Variants in KIF26B observed in about 807,000 individuals in gnomAD.
KIF26B encodes the protein kinesin family member 26B.
In KIF26B, 63 loss-of-function variants were observed where a neutral mutation model predicts 151.2. The ratio of observed to expected loss-of-function variants is 0.42; its 90% CI spans 0.34 to 0.51. KIF26B has a LOEUF of 0.51. Among genes scored for constraint, KIF26B ranks in the 20% least tolerant of loss-of-function variants. KIF26B has a pLI of 0.07. For synonymous variants in KIF26B, 1,357 were observed against 1,262.1 expected, an observed-to-expected ratio of 1.08 and a Z score of -1.59; for missense variants, 2,813 against 2,913.6, an observed-to-expected ratio of 0.97 and a Z score of 0.79.
At chr1:245,184,745 C>T (rs1336314259) in intron 2 of KIF26B, among the ~76,000 whole-genome samples, 2 of 152,226 alleles carry the variant, frequency 1.3e-5, no homozygotes, top group East Asian at 3.8e-4. Context: ...GATTCTTTTA[C>T]TATAAACGGA....
At chr1:245,453,030 T>C (rs895509508) in intron 4 of KIF26B, among the ~76,000 whole-genome samples, 1 of 152,168 alleles carries the variant, frequency 6.6e-6, no homozygotes, top group Admixed American at 6.5e-5. Flanking sequence ...GATTTACCTG[T>C]ATGTTTTCTC....
At chr1:245,661,909 T>TAC (rs61090060) in intron 10 of KIF26B, among the ~76,000 whole-genome samples, 1 of 37,386 alleles carries the variant, frequency 2.7e-5, no homozygotes, top group African/African-American at 1.2e-4. Flanking sequence ...ATGATATACA[T>TAC]ACACACACTC....
At chr1:245,155,834 T>A (rs1668420273) in intron 1 of KIF26B, among the ~76,000 whole-genome samples, 1 of 152,176 alleles carries the variant, frequency 6.6e-6, no homozygotes, top group Admixed American at 6.5e-5. Flanking sequence ...GAGCCTCTCG[T>A]TTACCTGCAG....
chr1:245,181,344 G>A (rs968083287), intron 2 of KIF26B, among the ~76,000 whole-genome samples: 1 of 152,002 alleles, frequency 6.6e-6, no homozygotes, highest in African/African-American at 2.4e-5. Flanking sequence ...TTGGTGTAGA[G>A]GATGGATTGG....
chr1:245,474,160 G>A (rs1426940390), intron 4 of KIF26B, among the ~76,000 whole-genome samples: 1 of 147,992 alleles, frequency 6.8e-6, no homozygotes, highest in African/African-American at 2.5e-5. Flanking sequence ...CCAGTCTGGA[G>A]TGCAGTGGCA....
At chr1:245,224,836 T>C (rs1406573598) in intron 2 of KIF26B, among the ~76,000 whole-genome samples, 1 of 152,178 alleles carries the variant, frequency 6.6e-6, no homozygotes. Flanking sequence ...GTAGAAAAAG[T>C]TTACTGATAA....
rs944956415 is a variant in KIF26B, at chr1:245,195,565, C to T, written c.465+38882C>T. Among the ~76,000 whole-genome samples, 4 of 152,272 alleles carry T rather than the reference C, an allele frequency of 2.6e-5. No homozygotes were observed. The East Asian group carries it at 7.7e-4, about 29-fold the overall frequency. On this transcript the variant is annotated intron_variant, in intron 2 of 14. Transcript: ENST00000407071. ...GGCATCTTCCTTTCCTAAATCCTTCCTTTGATCTCCTCAGCGGAGGTCACT... is the reference window on the plus strand; with the variant it reads ...GGCATCTTCCTTTCCTAAATCCTTCTTTTGATCTCCTCAGCGGAGGTCACT...
In KIF26B at chr1:245,482,310, G is replaced by A. The variant is rs775999522; in HGVS notation, c.1167-58457G>A. ...TCACCATATTGTCCAAGGTGGTCTCGAACTCCTGACCTCGTGATCCTCCCG... is the reference window on the plus strand; with the variant it reads ...TCACCATATTGTCCAAGGTGGTCTCAAACTCCTGACCTCGTGATCCTCCCG... On this transcript the variant is annotated intron_variant, in intron 4 of 14. Transcript: ENST00000407071. 9.9e-5 allele frequency among the ~76,000 whole-genome samples: 15 copies of A among 151,398 alleles called. 1 individual carries two copies. Among genetic ancestry groups the A allele is most frequent in the Admixed American group, 2.6e-4 (4 of 15,216 alleles).
intron 3 of KIF26B, among the ~76,000 whole-genome samples, chr1:245,398,484 A>G (rs1018504129): frequency 2.6e-5 from 4 of 152,046 alleles, no homozygotes; most frequent in African/African-American, 9.7e-5. Context: ...AGAGCAGGTG[A>G]CAGACACCTG....
chr1:245,586,862 CGGCCT>C (rs1399236129), intron 5 of KIF26B, among the ~76,000 whole-genome samples: 1 of 148,036 alleles, frequency 6.8e-6, no homozygotes, highest in African/African-American at 2.5e-5. Flanking sequence ...GTCCGCAGTC[CGGCCT>C]GGGTGACAGA....
intron 2 of KIF26B, among the ~76,000 whole-genome samples, chr1:245,186,755 GA>G (rs1484267615): frequency 6.6e-6 from 1 of 152,294 alleles, no homozygotes. Context: ...CAATTAAAGT[GA>G]CATCAGATGC....
Position 245,698,290 on chromosome 1 carries a change from A to G in KIF26B, c.6009A>G (p.Arg2003=), listed in dbSNP as rs2044720846. The G allele has an allele frequency of 6.2e-7, 1 of 1,613,330 alleles. No individual in the cohort carries two copies. The highest frequency in any genetic ancestry group is 1.1e-5 in the South Asian group (1 of 91,054). Reference sequence around the variant, plus strand: ...ATGACGTGGAGCGCCTGCAGCGGCGACGAGGGGGTGCCAGCAAGGTGAGGC... The same window carrying G: ...ATGACGTGGAGCGCCTGCAGCGGCGGCGAGGGGGTGCCAGCAAGGTGAGGC... ...EIDDVERLQR[R]RGGASKEAMC... is the part of the protein sequence containing the mutation. Residue 2003 remains arginine (R), a synonymous_variant, in exon 13 of 15, where the codon CGA becomes CGG. Coordinates refer to ENST00000407071, the MANE Select transcript of KIF26B (RefSeq NM_018012.4). The surrounding 1 kb of genome is among the most constrained non-coding windows in gnomAD (Gnocchi z 4.0).
chr1:245,433,832 C>T lies in KIF26B; in HGVS notation c.1166+14087C>T, dbSNP rs184437796. Among the ~76,000 whole-genome samples the T allele has an allele frequency of 2.0e-4, 31 of 152,176 alleles. No individual in the cohort carries two copies. In the East Asian group the frequency reaches 5.6e-3, roughly 28 times the overall value. ...ATAATGGCCCATGTCATTTTCTTGG[C>T]ATTCTTCAAAACCAAAGCCTTAAGA... On this transcript the variant is annotated intron_variant, in intron 4 of 14. Coordinates refer to ENST00000407071, the MANE Select transcript of KIF26B (RefSeq NM_018012.4).
intron 2 of KIF26B, among the ~76,000 whole-genome samples, chr1:245,259,141 G>T (rs1018260939): frequency 1.3e-5 from 2 of 152,216 alleles, no homozygotes; most frequent in Admixed American, 6.5e-5. Context: ...ATCACTGAAA[G>T]AAGTGGCTTT....
At chr1:245,562,159 C>T (rs1248707642) in intron 5 of KIF26B, among the ~76,000 whole-genome samples, 2 of 152,024 alleles carry the variant, frequency 1.3e-5, no homozygotes, top group African/African-American at 2.4e-5. Flanking sequence ...GCTAGTGGTC[C>T]CTTCAGAGAA....
chr1:245,556,273 T>TTCCTCCCTCCTCCTCCTC (rs1558212958), intron 5 of KIF26B, among the ~76,000 whole-genome samples: 33 of 54,768 alleles, frequency 6.0e-4, no homozygotes, highest in African/African-American at 2.0e-3. Flanking sequence ...CTCCTCCTCC[T>TTCCTCCCTCCTCCTCCTC]CTTCTTCTTC....
chr1:245,492,926 G>A (rs1018042567), intron 4 of KIF26B, among the ~76,000 whole-genome samples: 4 of 152,026 alleles, frequency 2.6e-5, no homozygotes, highest in East Asian at 3.9e-4. Flanking sequence ...GACTACAGGC[G>A]CGCCCCACCA....
intron 3 of KIF26B, among the ~76,000 whole-genome samples, chr1:245,381,961 T>G (rs1673421546): frequency 6.6e-6 from 1 of 152,226 alleles, no homozygotes; most frequent in Non-Finnish European, 1.5e-5. Flanking sequence ...CACATTTTGT[T>G]TATCCATTAA....
At chr1:245,689,264 G>A (rs1403988826) in intron 12 of KIF26B, among the ~76,000 whole-genome samples, 8 of 152,318 alleles carry the variant, frequency 5.3e-5, no homozygotes, top group Admixed American at 4.6e-4. Context: ...TCCTGTGGAC[G>A]GTTTACAGCC....
Sources: allele counts gnomAD v4.1 joint callset (sites outside exome capture counted in the v4.1 genomes callset), GRCh38; gene constraint gnomAD v4.1.1; non-coding constraint Gnocchi (gnomAD v3.1); transcripts MANE v1.5; gene names NCBI Gene and HGNC (gene_info 2026-07-23, HGNC 2026-07-21).